Variants in ELF3 observed in about 807,000 individuals in gnomAD.
ELF3 encodes the protein E74 like ETS transcription factor 3, also known as ETS-related transcription factor Elf-3.
Under a neutral mutation model 43.9 loss-of-function variants are expected in ELF3, and 18 were observed. The observed-to-expected ratio is 0.41, with a 90% confidence interval of 0.28 to 0.61. ELF3 has a LOEUF of 0.61. Ranked by LOEUF, ELF3 falls within the 20% of genes least tolerant of loss-of-function variation. The pLI is 0.30. For missense variants in ELF3, 373 were observed against 487.7 expected (o/e 0.76, Z 2.21); for synonymous variants, 181 against 190.2 (o/e 0.95, Z 0.40).
At position 202,015,460 on chromosome 1, in the gene ELF3, G is replaced by C. The variant is rs542855680; in HGVS notation, c.*137G>C. 9 of 836,750 alleles carry C rather than the reference G, an allele frequency of 1.1e-5. No individual in the cohort carries two copies. The Admixed American group carries it at 2.1e-4, about 20-fold the overall frequency. 51.8% of individuals were successfully genotyped at this position (836,750 alleles called of 1,614,324 possible). On this transcript the variant is annotated 3_prime_UTR_variant, in exon 9 of 9. Transcript: ENST00000367284. ...GCTGTGGAGAGAAGCTGATGTTTTG[G>C]TGTATTGTCAGCCATCGTCCTGGGA...
chr1:202,012,610 C>A lies in ELF3; in HGVS notation c.479-30C>A. 1 of 1,559,930 alleles carries A rather than the reference C, an allele frequency of 6.4e-7. No homozygotes were observed. The highest frequency in any genetic ancestry group is 8.7e-7 in the Non-Finnish European group (1 of 1,152,866). ...CCTGTCCTGGTCTGGTCCCCTGAGC[C>A]CTCTCTGAGTTCTCACCTCCTCTTC... On this transcript the variant is annotated intron_variant, in intron 4 of 8. Transcript: ENST00000367284. This position sits in a 1 kb window ranked among gnomAD's most constrained non-coding sequence, Gnocchi z 4.2.
At position 202,015,352 on chromosome 1, in the gene ELF3, C is replaced by CA; in HGVS notation, c.*30dup. The CA allele has an allele frequency of 6.2e-7, 1 of 1,610,884 alleles. No individual in the cohort carries two copies. Among genetic ancestry groups the CA allele is most frequent in the Non-Finnish European group, 8.5e-7 (1 of 1,177,954 alleles). On this transcript the variant is annotated 3_prime_UTR_variant, in exon 9 of 9. Coordinates refer to ENST00000367284, the MANE Select transcript of ELF3 (RefSeq NM_004433.5). ...TTGGAACTATACCCGGGACCAAACT[C>CA]ACGGACCACTCGAGGCCTGCAAACC...
In ELF3 at chr1:202,012,674, C is replaced by A. The variant is rs779151797; in HGVS notation, c.513C>A (p.Asp171Glu). The A allele has an allele frequency of 8.7e-6, 14 of 1,608,980 alleles. No homozygotes were observed. The Admixed American group carries it at 1.3e-4, about 15-fold the overall frequency. The change falls in exon 5 of 9, where the codon GAC (aspartate) becomes GAA (glutamate). Residue 171 changes from aspartate to glutamate, a missense_variant. Physicochemically the swap from Asp to Glu is conservative, Grantham distance 45. Coordinates refer to ENST00000367284, the MANE Select transcript of ELF3 (RefSeq NM_004433.5). This position sits in a 1 kb window ranked among gnomAD's most constrained non-coding sequence, Gnocchi z 4.2. ...GCCCCTTTGCCCAGGAGCTGCTGGA[C>A]GACGGTCAGCAAGCCAGCCCCTACC... ...QGSPFAQELL[D>E]DGQQASPYHP...
Position 202,012,512 on chromosome 1 carries a change from A to AC in ELF3, c.478+81dup, listed in dbSNP as rs1684226285. On this transcript the variant is annotated intron_variant, in intron 4 of 8. Transcript: ENST00000367284. This position sits in a 1 kb window ranked among gnomAD's most constrained non-coding sequence, Gnocchi z 4.2. ...GCCCCTCCACAGAGTGCTAGAGATG[A>AC]CCCCCTCCCCAGACTTCTTCCTCCC... The AC allele has an allele frequency of 1.3e-6, 2 of 1,571,570 alleles. No homozygotes were observed. Among genetic ancestry groups the AC allele is most frequent in the African/African-American group, 2.7e-5 (2 of 73,080 alleles).
At chr1:202,011,877 C>CAA (rs1169377361) in intron 2 of ELF3, 80 bp from the exon 3 acceptor site, 25,720 of 1,212,602 alleles carry the variant, frequency 0.021, no homozygotes, top group East Asian at 0.028. Flanking sequence ...GACTCCATCT[C>CAA]AAAAAAAAAA....
Position 202,015,459 on chromosome 1 carries a change from G to A in ELF3, c.*136G>A, listed in dbSNP as rs1684292218. 1.2e-6 allele frequency: 1 copy of A among 843,872 alleles called. No individual in the cohort carries two copies. Among genetic ancestry groups the A allele is most frequent in the African/African-American group, 1.7e-5 (1 of 59,190 alleles). The allele number at this position is 843,872 out of a possible 1,614,324, so 52.3% of individuals were successfully genotyped here. A position where few individuals can be genotyped will look rare whatever the true frequency, so the allele number is the denominator to read the frequency against. On this transcript the variant is annotated 3_prime_UTR_variant, in exon 9 of 9. Coordinates refer to ENST00000367284, the MANE Select transcript of ELF3 (RefSeq NM_004433.5). ...TGCTGTGGAGAGAAGCTGATGTTTT[G>A]GTGTATTGTCAGCCATCGTCCTGGG...
In ELF3 at chr1:202,010,775, C is replaced by T. The variant is rs925739668; in HGVS notation, c.-9+69C>T. Reference sequence around the variant, plus strand: ...ACTGCAGAGGGGTCCAGAGGATTTGCAGTTCTGAACCTGCACACTCCAGTC... The same window carrying T: ...ACTGCAGAGGGGTCCAGAGGATTTGTAGTTCTGAACCTGCACACTCCAGTC... On this transcript the variant is annotated intron_variant, in intron 1 of 8. Coordinates refer to ENST00000367284, the MANE Select transcript of ELF3 (RefSeq NM_004433.5). The surrounding 1 kb of genome is among the most constrained non-coding windows in gnomAD (Gnocchi z 4.3). The T allele has an allele frequency of 1.0e-5, 2 of 196,362 alleles. No homozygotes were observed. The highest frequency in any genetic ancestry group is 2.1e-5 in the Non-Finnish European group (2 of 95,278). The allele number at this position is 196,362 out of a possible 1,614,324, so 12.2% of individuals were successfully genotyped here.
rs202066550 is a variant in ELF3, at chr1:202,012,692, C to A, written c.531C>A (p.Ser177Arg). ...TGCTGGACGACGGTCAGCAAGCCAG[C>A]CCCTACCACCCCGGCAGCTGTGGCG... ...QELLDDGQQA[S>R]PYHPGSCGAG... Residue 177 changes from serine (S) to arginine (R), a missense_variant, in exon 5 of 9, where the codon AGC becomes AGA. By Grantham distance (110) the Ser-to-Arg change is moderately radical. This residue lies in a region of ELF3 where 311 missense variants were observed against 351.2 expected (regional missense o/e 0.89). Coordinates refer to ENST00000367284, the MANE Select transcript of ELF3 (RefSeq NM_004433.5). This position sits in a 1 kb window ranked among gnomAD's most constrained non-coding sequence, Gnocchi z 4.2. The A allele has an allele frequency of 5.1e-5, 82 of 1,608,300 alleles. No individual in the cohort carries two copies. In the Admixed American group the frequency reaches 8.2e-4, roughly 16 times the overall value.
At chr1:202,011,437 A>G in intron 2 of ELF3, 138 bp downstream of exon 2, 1 of 1,134,838 alleles carries the variant, frequency 8.8e-7, no homozygotes, top group Non-Finnish European at 1.2e-6. Context: ...TTAGTGACTG[A>G]GGTGCTGGGG....
rs752552149 is a variant in ELF3 at position 202,012,485 on chromosome 1, C to T, written c.478+49C>T. On this transcript the variant is annotated intron_variant, in intron 4 of 8. Transcript: ENST00000367284. The surrounding 1 kb of genome is among the most constrained non-coding windows in gnomAD (Gnocchi z 4.2). ...TTCCCCAGCCTGTCTTGTCCCATCC[C>T]TGCCCCTCCACAGAGTGCTAGAGAT... The T allele has an allele frequency of 6.2e-7, 1 of 1,605,222 alleles. No homozygotes were observed. Among genetic ancestry groups the T allele is most frequent in the Non-Finnish European group, 8.5e-7 (1 of 1,175,522 alleles).
chr1:202,013,702 C>CG lies in ELF3; in HGVS notation c.806-123dup. On this transcript the variant is annotated intron_variant, in intron 7 of 8. Coordinates refer to ENST00000367284, the MANE Select transcript of ELF3 (RefSeq NM_004433.5). This position sits in a 1 kb window ranked among gnomAD's most constrained non-coding sequence, Gnocchi z 5.7. ...TGCAGTACCCGCACAGAGGGCACTG[C>CG]GGGGTCTCTGGAGAGGCTTGCTGCA... is the stretch of plus-strand genomic sequence containing the variant. The CG allele has an allele frequency of 9.6e-7, 1 of 1,041,942 alleles. No individual in the cohort carries two copies. The highest frequency in any genetic ancestry group is 1.4e-6 in the Non-Finnish European group (1 of 723,086). 64.5% of individuals were successfully genotyped at this position (1,041,942 alleles called of 1,614,324 possible).
At position 202,012,090 on chromosome 1, in the gene ELF3, C is replaced by T. The variant is rs11543979; in HGVS notation, c.297C>T (p.Gly99=). 1.1e-5 allele frequency: 17 copies of T among 1,613,986 alleles called. No individual in the cohort carries two copies. The highest frequency in any genetic ancestry group is 8.3e-5 in the Admixed American group (5 of 59,996). Residue 99 remains glycine (G), a synonymous_variant, in exon 3 of 9, where the codon GGC becomes GGT. Coordinates refer to ENST00000367284, the MANE Select transcript of ELF3 (RefSeq NM_004433.5). The surrounding 1 kb of genome is among the most constrained non-coding windows in gnomAD (Gnocchi z 4.2). Reference sequence around the variant, plus strand: ...ACTTCTCACGATGTGACATGGATGGCGCCACCCTCTGCAATTGTGCCCTTG... The same window carrying T: ...ACTTCTCACGATGTGACATGGATGGTGCCACCCTCTGCAATTGTGCCCTTG... ...AIDFSRCDMD[G]ATLCNCALEE... is the part of the protein sequence containing the mutation.
Position 202,012,626 on chromosome 1 carries a change from C to T in ELF3, c.479-14C>T. 6.4e-7 allele frequency: 1 copy of T among 1,574,182 alleles called. No homozygotes were observed. The highest frequency in any genetic ancestry group is 8.6e-7 in the Non-Finnish European group (1 of 1,159,408). On this transcript the variant is annotated splice_polypyrimidine_tract_variant and intron_variant, in intron 4 of 8. Transcript: ENST00000367284. The surrounding 1 kb of genome is among the most constrained non-coding windows in gnomAD (Gnocchi z 4.2). ...CCCCTGAGCCCTCTCTGAGTTCTCA[C>T]CTCCTCTTCCCAGACCAGGGCAGCC...
chr1:202,015,383 G>GGGA lies in ELF3; in HGVS notation c.*64_*66dup, dbSNP rs1684290994. On this transcript the variant is annotated 3_prime_UTR_variant, in exon 9 of 9. Coordinates refer to ENST00000367284, the MANE Select transcript of ELF3 (RefSeq NM_004433.5). ...CCACTCGAGGCCTGCAAACCTTCCT[G>GGGA]GGAGGACAGGCAGGCCAGATGGCCC... 1 of 1,552,588 alleles carries GGGA rather than the reference G, an allele frequency of 6.4e-7. No homozygotes were observed. Among genetic ancestry groups the GGGA allele is most frequent in the Non-Finnish European group, 8.8e-7 (1 of 1,132,550 alleles).
In ELF3 at chr1:202,016,737, T is replaced by C. The variant is rs977529317; in HGVS notation, c.*1414T>C. ...ATGATCCTGTCACCCAGGTAGTGAG[T>C]ATAGCACCCAGTGAAACTGTAGTCT... On this transcript the variant is annotated 3_prime_UTR_variant, in exon 9 of 9. Coordinates refer to ENST00000367284, the MANE Select transcript of ELF3 (RefSeq NM_004433.5). 2 of 152,054 alleles carry C rather than the reference T, an allele frequency of 1.3e-5. No individual in the cohort carries two copies. The highest frequency in any genetic ancestry group is 2.9e-5 in the Non-Finnish European group (2 of 68,012). The allele number at this position is 152,054 out of a possible 1,614,324, so 9.4% of individuals were successfully genotyped here. A position where few individuals can be genotyped will look rare whatever the true frequency, so the allele number is the denominator to read the frequency against.
Position 202,011,224 on chromosome 1 carries a change from C to G in ELF3, c.88C>G (p.Pro30Ala). The G allele has an allele frequency of 1.9e-6, 3 of 1,613,590 alleles. No homozygotes were observed. The highest frequency in any genetic ancestry group is 2.5e-6 in the Non-Finnish European group (3 of 1,179,732). The change falls in exon 2 of 9, where the codon CCC becomes GCC. Residue 30 changes from proline (P) to alanine (A), a missense_variant. Transcript: ENST00000367284. Reference protein sequence around the residue: ...SSEDSTLASVPPAATFGADDL... With the variant: ...SSEDSTLASVAPAATFGADDL... ...GGAGGACTCCACCCTGGCCTCTGTT[C>G]CCCCTGCTGCCACCTTTGGGGCCGA...
chr1:202,013,279 G>A lies in ELF3; in HGVS notation c.786G>A (p.Glu262=), dbSNP rs748818959. 6.2e-6 allele frequency: 10 copies of A among 1,613,974 alleles called. No homozygotes were observed. Among genetic ancestry groups the A allele is most frequent in the Admixed American group, 5.0e-5 (3 of 60,012 alleles). ...KLSKEYWDCL[E]GKKSKHAPRG... ...GCAAAGAGTACTGGGACTGTCTCGA[G>A]GGCAAGAAGAGCAAGCACGGTGAGC... is the stretch of plus-strand genomic sequence containing the variant. Residue 262 remains glutamate (E), a synonymous_variant, in exon 7 of 9, where the codon GAG becomes GAA. Transcript: ENST00000367284. This position sits in a 1 kb window ranked among gnomAD's most constrained non-coding sequence, Gnocchi z 5.7.
In ELF3 at chr1:202,012,348, C is replaced by T; in HGVS notation, c.390C>T (p.Ser130=). ...CCTTCCTTCCTTCCTTGTCAGCTTC[C>T]AGCTCTTCTGATGAGCTCAGTTGGA... The part of the protein sequence containing the change: ...QLHAQLRDLT[S]SSSDELSWII... Residue 130 remains serine (S), a synonymous_variant, in exon 4 of 9, where the codon TCC becomes TCT. Coordinates refer to ENST00000367284, the MANE Select transcript of ELF3 (RefSeq NM_004433.5). The surrounding 1 kb of genome is among the most constrained non-coding windows in gnomAD (Gnocchi z 4.2). 1 of 1,614,036 alleles carries T rather than the reference C, an allele frequency of 6.2e-7. No homozygotes were observed.
At position 202,012,905 on chromosome 1, in the gene ELF3, AG is replaced by A; in HGVS notation, c.599-39del. On this transcript the variant is annotated intron_variant, in intron 5 of 8. Transcript: ENST00000367284. This position sits in a 1 kb window ranked among gnomAD's most constrained non-coding sequence, Gnocchi z 4.2. ...GAGAGCCAGCAGCGTGGTTGAGCAG[AG>A]GGTGGGCCGGCAGGGGACTTACTCT... The A allele has an allele frequency of 6.3e-7, 1 of 1,581,712 alleles. No homozygotes were observed. Among genetic ancestry groups the A allele is most frequent in the Non-Finnish European group, 8.6e-7 (1 of 1,165,476 alleles).
Sources: gnomAD v4.1 joint callset for allele counts on GRCh38, gnomAD v4.1.1 for gene constraint, gnomAD v4.1.1 regional missense constraint, Gnocchi (gnomAD v3.1) non-coding constraint, MANE v1.5 for transcripts, NCBI Gene and HGNC (gene_info 2026-07-23, HGNC 2026-07-21) for gene names.